The following ARHGEF11 variants were observed in gnomAD, a reference collection of about 807,000 sequenced individuals.
ARHGEF11 encodes Rho guanine nucleotide exchange factor 11, also known as Rho guanine exchange factor (GEF) 11.
Under a neutral mutation model 193.7 loss-of-function variants are expected in ARHGEF11, and 55 were observed. The ratio of observed to expected loss-of-function variants is 0.28; its 90% CI spans 0.23 to 0.36. ARHGEF11 has a LOEUF of 0.36. ARHGEF11 is among the 10% of genes least tolerant of loss of function. ARHGEF11 has a pLI of 1.00. For missense variants in ARHGEF11, 1,723 were observed against 2,005.6 expected, an observed-to-expected ratio of 0.86 and a Z score of 2.69; for synonymous variants, 693 against 768.0, an observed-to-expected ratio of 0.90 and a Z score of 1.62.
intron 1 of ARHGEF11, among the ~76,000 whole-genome samples, chr1:157,036,200 TATATAC>T (rs1557992051): frequency 2.9e-5 from 4 of 137,622 alleles, no homozygotes; most frequent in East Asian, 2.0e-4. Flanking sequence ...TATATGAATA[TATATAC>T]ATATATATAT....
chr1:157,041,335 C>CT (rs1163192416), intron 1 of ARHGEF11, among the ~76,000 whole-genome samples: 1 of 152,172 alleles, frequency 6.6e-6, no homozygotes, highest in Non-Finnish European at 1.5e-5. Context: ...ACATGAACAG[C>CT]TACACTTTAG....
intron 7 of ARHGEF11, 47 bp from the exon 8 acceptor site, chr1:156,971,863 G>A: frequency 6.3e-7 from 1 of 1,578,436 alleles, no homozygotes. Flanking sequence ...AGGCAGAGGG[G>A]TGGTTAATAG....
chr1:156,948,024 T>A lies in ARHGEF11; in HGVS notation c.2154-68A>T. The A allele has an allele frequency of 6.4e-7, 1 of 1,574,448 alleles. No homozygotes were observed. The highest frequency in any genetic ancestry group is 8.7e-7 in the Non-Finnish European group (1 of 1,155,312). On this transcript the variant is annotated intron_variant, in intron 24 of 40. Coordinates refer to ENST00000368194, the MANE Select transcript of ARHGEF11 (RefSeq NM_198236.3). The surrounding 1 kb of genome is among the most constrained non-coding windows in gnomAD (Gnocchi z 4.2). ...CTCACACAGAGGGTTTGGCCCTCCC[T>A]CTCCTGCCCGACCTGCTTGCCCCAT...
chr1:157,012,586 T>G (rs569563073), intron 1 of ARHGEF11, among the ~76,000 whole-genome samples: 3 of 152,364 alleles, frequency 2.0e-5, no homozygotes, highest in Admixed American at 6.5e-5. Context: ...TCCTTCCTAG[T>G]ACTCTCATAA....
intron 3 of ARHGEF11, among the ~76,000 whole-genome samples, chr1:156,981,212 ATTT>A (rs199804942): frequency 2.7e-5 from 4 of 146,240 alleles, no homozygotes; most frequent in East Asian, 4.0e-4. Flanking sequence ...AAAAAAAAAA[ATTT>A]TTTTTTTTGT....
intron 18 of ARHGEF11, among the ~76,000 whole-genome samples, 189 bp downstream of exon 18, chr1:156,957,603 G>T (rs977990037): frequency 1.3e-4 from 20 of 152,206 alleles, no homozygotes; most frequent in Non-Finnish European, 2.6e-4. Context: ...AGCATCAGGG[G>T]CGTGGGCCTC....
At position 156,944,234 on chromosome 1, in the gene ARHGEF11, T is replaced by C. The variant is rs907765576; in HGVS notation, c.3067+124A>G. Reference sequence around the variant, plus strand: ...TGGTGACCCCATTTCTCTCTCTGATTATTCCCTTCCCATGTCCTGAGCTAT... The same window carrying C: ...TGGTGACCCCATTTCTCTCTCTGATCATTCCCTTCCCATGTCCTGAGCTAT... On this transcript the variant is annotated intron_variant, in intron 31 of 40. Transcript: ENST00000368194. The C allele has an allele frequency of 8.4e-6, 12 of 1,429,970 alleles. No individual in the cohort carries two copies. The East Asian group carries it at 2.1e-4, about 24-fold the overall frequency. 88.6% of individuals were successfully genotyped at this position (1,429,970 alleles called of 1,614,324 possible).
chr1:156,954,543 C>T (rs1000618249), intron 21 of ARHGEF11, among the ~76,000 whole-genome samples: 4 of 152,184 alleles, frequency 2.6e-5, no homozygotes, highest in African/African-American at 9.7e-5. Context: ...GAAAAGGCCT[C>T]AGGCTATGGA....
intron 1 of ARHGEF11, among the ~76,000 whole-genome samples, chr1:157,010,703 T>C (rs1282162549): frequency 6.6e-6 from 1 of 152,122 alleles, no homozygotes; most frequent in Non-Finnish European, 1.5e-5. Context: ...CCACCATACT[T>C]GGACTGAAAA....
Position 156,936,836 on chromosome 1 carries a change from A to AG in ARHGEF11, c.4609dup (p.Leu1537ProfsTer6), listed in dbSNP as rs1371852331. ...CTCACCATCCTCAGGGCAGGGCCCC[A>AG]GTTCATGGCTGTTCCTGGAGTCAGA... On this transcript the variant is annotated frameshift_variant, in exon 40 of 41. Transcript: ENST00000368194. LOFTEE classifies it low-confidence loss of function (END_TRUNC). 6.2e-7 allele frequency: 1 copy of AG among 1,613,788 alleles called. No individual in the cohort carries two copies. Among genetic ancestry groups the AG allele is most frequent in the African/African-American group, 1.3e-5 (1 of 74,872 alleles).
intron 20 of ARHGEF11, 47 bp downstream of exon 20, chr1:156,955,656 G>A (rs371912958): frequency 2.3e-4 from 340 of 1,460,848 alleles, no homozygotes; most frequent in Non-Finnish European, 3.0e-4. Context: ...AAGGGCTGAG[G>A]TCCCTGCCCA....
chr1:157,036,103 G>GAATATATATGAATATATATATGAA (rs1671978359), intron 1 of ARHGEF11, among the ~76,000 whole-genome samples: 1 of 133,978 alleles, frequency 7.5e-6, no homozygotes, highest in African/African-American at 2.8e-5. Flanking sequence ...ATACATATAT[G>GAATATATATGAATATATATATGAA]AATATATATG....
At position 157,045,120 on chromosome 1, in the gene ARHGEF11, C is replaced by T. The variant is rs1673186625; in HGVS notation, c.-790G>A. 1 of 151,780 alleles carries T rather than the reference C, an allele frequency of 6.6e-6. No individual in the cohort carries two copies. Among genetic ancestry groups the T allele is most frequent in the African/African-American group, 2.4e-5 (1 of 41,300 alleles). The allele number at this position is 151,780 out of a possible 1,614,324, so 9.4% of individuals were successfully genotyped here. A position where few individuals can be genotyped will look rare whatever the true frequency, so the allele number is the denominator to read the frequency against. On this transcript the variant is annotated 5_prime_UTR_variant, in exon 1 of 41. Transcript: ENST00000368194. ...TAAAAATCAAAGAACACCTGAAATGCAATGCTTTTTACCTTTAAGATGGTA... is the reference window on the plus strand; with the variant it reads ...TAAAAATCAAAGAACACCTGAAATGTAATGCTTTTTACCTTTAAGATGGTA...
chr1:156,982,250 A>T (rs1291853556), intron 3 of ARHGEF11, among the ~76,000 whole-genome samples: 1 of 152,058 alleles, frequency 6.6e-6, no homozygotes, highest in Non-Finnish European at 1.5e-5. Context: ...AAATTCTCAG[A>T]CTTCAGCAAG....
intron 1 of ARHGEF11, among the ~76,000 whole-genome samples, chr1:156,990,090 G>A (rs1475577677): frequency 6.6e-6 from 1 of 152,012 alleles, no homozygotes; most frequent in Non-Finnish European, 1.5e-5. Flanking sequence ...CTCAGTTCAG[G>A]AGCCAATCAA....
At chr1:157,028,094 C>T (rs1670867599) in intron 1 of ARHGEF11, among the ~76,000 whole-genome samples, 1 of 152,084 alleles carries the variant, frequency 6.6e-6, no homozygotes, top group African/African-American at 2.4e-5. Context: ...TTGGCTCAGC[C>T]CAATCAACCG....
chr1:156,964,361 T>A (rs1242201053), intron 11 of ARHGEF11, among the ~76,000 whole-genome samples: 1 of 152,252 alleles, frequency 6.6e-6, no homozygotes, highest in African/African-American at 2.4e-5. Context: ...CTCCTAAAGG[T>A]TCCTTGAGCT....
intron 30 of ARHGEF11, 46 bp downstream of exon 30, chr1:156,944,973 A>T: frequency 1.3e-6 from 2 of 1,595,102 alleles, no homozygotes; most frequent in Non-Finnish European, 1.7e-6. Context: ...TCCTAAGGGT[A>T]CCCACAAAGT....
At chr1:157,019,489 G>C (rs1056973305) in intron 1 of ARHGEF11, among the ~76,000 whole-genome samples, 4 of 152,198 alleles carry the variant, frequency 2.6e-5, no homozygotes, top group Admixed American at 1.3e-4. Flanking sequence ...AATTTCTTAT[G>C]ACATTAAACA....
Sources: gnomAD v4.1 joint callset for allele counts (sites outside exome capture counted in the v4.1 genomes callset) on GRCh38, gnomAD v4.1.1 for gene constraint, Gnocchi (gnomAD v3.1) non-coding constraint, MANE v1.5 for transcripts, NCBI Gene and HGNC (gene_info 2026-07-23, HGNC 2026-07-21) for gene names.